Variants in LYPD6B observed in about 807,000 individuals in gnomAD.
LYPD6B encodes ly6/PLAUR domain-containing protein 6B.
In LYPD6B, 17 loss-of-function variants were observed where a neutral mutation model predicts 22.8. The ratio of observed to expected loss-of-function variants is 0.75; its 90% CI spans 0.51 to 1.12. LYPD6B has a LOEUF of 1.12. Among genes scored for constraint, LYPD6B ranks in the 50% most tolerant of loss-of-function variants. The pLI is 0.00. For missense variants in LYPD6B, 221 were observed against 258.3 expected (o/e 0.86, Z 0.99); for synonymous variants, 106 against 91.6 (o/e 1.16, Z -0.90).
intron 1 of LYPD6B, among the ~76,000 whole-genome samples, chr2:149,111,607 T>C (rs537539423): frequency 1.6e-4 from 24 of 152,126 alleles, no homozygotes; most frequent in African/African-American, 5.5e-4. Flanking sequence ...CATGGTGAGT[T>C]TGAGATTTTC....
chr2:149,151,894 T>G (rs538951518), intron 2 of LYPD6B, among the ~76,000 whole-genome samples: 46 of 152,308 alleles, frequency 3.0e-4, no homozygotes, highest in African/African-American at 1.0e-3. Context: ...AAATTCCTTA[T>G]TGTGATATTC....
chr2:149,212,099 C>T lies in LYPD6B; in HGVS notation c.329-893C>T, dbSNP rs374517468. 2.9e-3 allele frequency among the ~76,000 whole-genome samples: 433 copies of T among 151,432 alleles called. 3 individuals are homozygous for T. Among genetic ancestry groups the T allele is most frequent in the Middle Eastern group, 0.01 (3 of 288 alleles). On this transcript the variant is annotated intron_variant, in intron 5 of 6. Transcript: ENST00000409642. Reference sequence around the variant, plus strand: ...ATAGAAATTATTAGGTTGGTGCAGCCGGGCGCGGTGGCTCACGCCTGTAAT... The same window carrying T: ...ATAGAAATTATTAGGTTGGTGCAGCTGGGCGCGGTGGCTCACGCCTGTAAT...
Position 149,177,913 on chromosome 2 carries a change from T to C in LYPD6B, c.77+17078T>C, listed in dbSNP as rs1691436900. On this transcript the variant is annotated intron_variant, in intron 3 of 6. Transcript: ENST00000409642. ...TAATGTTTATTGAGCACTTATTATATGCTAGGCATTGTAAAACACACTTTG... is the reference window on the plus strand; with the variant it reads ...TAATGTTTATTGAGCACTTATTATACGCTAGGCATTGTAAAACACACTTTG... Among the ~76,000 whole-genome samples the C allele has an allele frequency of 1.3e-5, 2 of 151,750 alleles. 1 individual carries two copies. Among genetic ancestry groups the C allele is most frequent in the South Asian group, 4.2e-4 (2 of 4,788 alleles).
At chr2:149,039,436 G>T (rs73962851) in intron 1 of LYPD6B, among the ~76,000 whole-genome samples, 5,953 of 152,272 alleles carry the variant, frequency 0.039, 403 homozygotes, top group African/African-American at 0.14. Flanking sequence ...TGTGGCGTTT[G>T]GGGGGAGCTG....
intron 4 of LYPD6B, among the ~76,000 whole-genome samples, chr2:149,206,649 G>A (rs1301754488): frequency 6.6e-6 from 1 of 152,024 alleles, no homozygotes; most frequent in African/African-American, 2.4e-5. Context: ...ATTCCAAAGA[G>A]ACGGAAAACA....
intron 6 of LYPD6B, among the ~76,000 whole-genome samples, chr2:149,214,027 G>T (rs541623415): frequency 1.3e-5 from 2 of 152,182 alleles, no homozygotes; most frequent in African/African-American, 4.8e-5. Flanking sequence ...GAAAACACCA[G>T]TTAGGGACAA....
At chr2:149,080,612 T>C (rs1574930531) in intron 1 of LYPD6B, among the ~76,000 whole-genome samples, 2 of 151,944 alleles carry the variant, frequency 1.3e-5, no homozygotes, top group African/African-American at 4.8e-5. Flanking sequence ...GAGGCCAAGG[T>C]GGGCGGATCA....
At chr2:149,074,250 A>G (rs1214342523) in intron 1 of LYPD6B, among the ~76,000 whole-genome samples, 1 of 142,572 alleles carries the variant, frequency 7.0e-6, no homozygotes, top group African/African-American at 2.6e-5. Flanking sequence ...GTGCACACAC[A>G]TGCATACACG....
chr2:149,180,233 A>G (rs966938650), intron 3 of LYPD6B, among the ~76,000 whole-genome samples: 3 of 152,184 alleles, frequency 2.0e-5, no homozygotes, highest in Non-Finnish European at 4.4e-5. Flanking sequence ...CAGATTTACT[A>G]GGGGCTCTAC....
chr2:149,153,836 C>A (rs978529735), intron 2 of LYPD6B, among the ~76,000 whole-genome samples: 2 of 151,918 alleles, frequency 1.3e-5, no homozygotes, highest in Admixed American at 6.6e-5. Context: ...AAGCTGGGGC[C>A]AGGGTGATCG....
intron 2 of LYPD6B, among the ~76,000 whole-genome samples, chr2:149,135,521 A>T (rs925589357): frequency 6.6e-6 from 1 of 151,758 alleles, no homozygotes; most frequent in African/African-American, 2.4e-5. Flanking sequence ...GGAGTTCGAG[A>T]CCAGCCTGGC....
chr2:149,169,094 G>A (rs1289632878), intron 3 of LYPD6B, among the ~76,000 whole-genome samples: 1 of 152,084 alleles, frequency 6.6e-6, no homozygotes, highest in Non-Finnish European at 1.5e-5. Context: ...TATGGAAATG[G>A]TAAGGAGATT....
chr2:149,169,538 A>G (rs1690677846), intron 3 of LYPD6B, among the ~76,000 whole-genome samples: 1 of 152,196 alleles, frequency 6.6e-6, no homozygotes, highest in Non-Finnish European at 1.5e-5. Context: ...AGTTGTATAC[A>G]AGGGATTCCT....
chr2:149,094,944 G>T (rs1040800232), intron 1 of LYPD6B, among the ~76,000 whole-genome samples: 5 of 152,120 alleles, frequency 3.3e-5, no homozygotes, highest in Non-Finnish European at 7.4e-5. Context: ...AATTTTTAAT[G>T]TTTAAGAATT....
At chr2:149,074,260 G>A (rs1037464715) in intron 1 of LYPD6B, among the ~76,000 whole-genome samples, 9 of 128,286 alleles carry the variant, frequency 7.0e-5, no homozygotes, top group South Asian at 2.9e-4. Flanking sequence ...ATGCATACAC[G>A]CATGCATGCA....
intron 3 of LYPD6B, among the ~76,000 whole-genome samples, chr2:149,171,064 T>C (rs1044606630): frequency 3.3e-5 from 5 of 152,226 alleles, no homozygotes; most frequent in African/African-American, 4.8e-5. Flanking sequence ...TTTGACAGCA[T>C]GTCCTGTCGG....
At chr2:149,151,929 C>T (rs946465439) in intron 2 of LYPD6B, among the ~76,000 whole-genome samples, 4 of 152,138 alleles carry the variant, frequency 2.6e-5, no homozygotes, top group African/African-American at 9.7e-5. Flanking sequence ...ACTTTCTAGC[C>T]TTGCCTTCCA....
chr2:149,151,523 A>T (rs575223794), intron 2 of LYPD6B, among the ~76,000 whole-genome samples: 39 of 152,228 alleles, frequency 2.6e-4, no homozygotes, highest in Non-Finnish European at 5.1e-4. Context: ...GATGCTCTGG[A>T]GGTCTAAGTT....
chr2:149,169,065 G>C lies in LYPD6B; in HGVS notation c.77+8230G>C, dbSNP rs1036504751. On this transcript the variant is annotated intron_variant, in intron 3 of 6. Transcript: ENST00000409642. ...ATTTTAACATATCCCCTCAAAAAGG[G>C]TAAATTTGAGTAATGCACTATGGAA... Among the ~76,000 whole-genome samples the C allele has an allele frequency of 5.9e-5, 9 of 152,234 alleles. 1 individual carries two copies. Among genetic ancestry groups the C allele is most frequent in the South Asian group, 4.2e-4 (2 of 4,816 alleles).
Sources: gnomAD v4.1 joint callset for allele counts (sites outside exome capture counted in the v4.1 genomes callset) on GRCh38, gnomAD v4.1.1 for gene constraint, MANE v1.5 for transcripts, NCBI Gene and HGNC (gene_info 2026-07-23, HGNC 2026-07-21) for gene names.